Variants in KCNQ1 observed in about 807,000 individuals in gnomAD.
KCNQ1 encodes potassium voltage-gated channel subfamily Q member 1, also known as potassium voltage-gated channel subfamily KQT member 1.
A neutral mutation model predicts 72.4 loss-of-function variants in KCNQ1; 49 were observed. The observed-to-expected ratio is 0.68, with a 90% CI of 0.54 to 0.86. KCNQ1 has a LOEUF of 0.86. Among genes scored for constraint, KCNQ1 ranks in the 40% least tolerant of loss-of-function variants. The probability of loss-of-function intolerance (pLI) is 0.00; values close to 1 mark genes in which losing one functional copy is unlikely to be tolerated. For missense variants in KCNQ1, 790 were observed against 945.1 expected, an observed-to-expected ratio of 0.84 and a Z score of 2.15; for synonymous variants, 450 against 412.6, an observed-to-expected ratio of 1.09 and a Z score of -1.10.
At chr11:2,633,944 C>G (rs1364753285) in intron 10 of KCNQ1, 7 of 398,342 alleles carry the variant, frequency 1.8e-5, no homozygotes, top group African/African-American at 4.1e-5. Flanking sequence ...GGGGAAAATC[C>G]ACGTATAAAT....
rs1375222908 is a variant in KCNQ1 at position 2,678,577 on chromosome 11, A to G, written c.1514+16496A>G. On this transcript the variant is annotated intron_variant, in intron 11 of 15. Transcript: ENST00000155840. The surrounding 1 kb of genome is among the most constrained non-coding windows in gnomAD (Gnocchi z 4.9). ...GTTATTTTAATTATGTAACTTTATG[A>G]TGCACTTATCTGTGTAGCAGGACTC... The G allele has an allele frequency of 2.5e-6, 1 of 398,484 alleles. No individual in the cohort carries two copies. Among genetic ancestry groups the G allele is most frequent in the Non-Finnish European group, 4.4e-6 (1 of 226,062 alleles). The allele number at this position is 398,484 out of a possible 1,614,324, so 24.7% of individuals were successfully genotyped here.
intron 11 of KCNQ1, among the ~76,000 whole-genome samples, chr11:2,733,779 C>CAT (rs1845893426): frequency 1.5e-4 from 3 of 19,880 alleles, no homozygotes; most frequent in Non-Finnish European, 3.0e-4. Context: ...GCCTTCCACA[C>CAT]ACACACACAC....
Position 2,458,675 on chromosome 11 carries a change from GGATGGATGGATC to G in KCNQ1, c.386+13195_386+13206del, listed in dbSNP as rs1415839921. Reference sequence around the variant, plus strand: ...TGGATGGATGGATGGATGGATGGATGGATGGATGGATCGATCGATCTCACCAAGCCTCGTGCT... The same window carrying G: ...TGGATGGATGGATGGATGGATGGATGGATCGATCTCACCAAGCCTCGTGCT... On this transcript the variant is annotated intron_variant, in intron 1 of 15. Coordinates refer to ENST00000155840, the MANE Select transcript of KCNQ1 (RefSeq NM_000218.3). The surrounding 1 kb of genome is among the most constrained non-coding windows in gnomAD (Gnocchi z 4.6). Among the ~76,000 whole-genome samples the G allele has an allele frequency of 1.9e-3, 270 of 144,792 alleles. 2 individuals carry two copies. The highest frequency in any genetic ancestry group is 6.5e-3 in the African/African-American group (233 of 35,840). 95.0% of individuals were successfully genotyped at this position (144,792 alleles called of 152,430 possible).
At chr11:2,731,295 C>A (rs867865762) in intron 11 of KCNQ1, among the ~76,000 whole-genome samples, 9 of 152,236 alleles carry the variant, frequency 5.9e-5, no homozygotes, top group Admixed American at 1.3e-4. Flanking sequence ...CGCCCATGCA[C>A]CCCACTGTTG....
At chr11:2,512,893 C>T (rs1406577956) in intron 1 of KCNQ1, among the ~76,000 whole-genome samples, 1 of 152,210 alleles carries the variant, frequency 6.6e-6, no homozygotes, top group Admixed American at 6.5e-5. Flanking sequence ...GCTGTGTCAG[C>T]AGAGGGTTTT....
chr11:2,843,475 C>A (rs1848254213), intron 15 of KCNQ1, among the ~76,000 whole-genome samples: 1 of 152,230 alleles, frequency 6.6e-6, no homozygotes, highest in Non-Finnish European at 1.5e-5. Context: ...CACTGCCCAA[C>A]AAGGATGCTA....
At chr11:2,796,114 T>G (rs1008394765) in intron 15 of KCNQ1, among the ~76,000 whole-genome samples, 1 of 152,230 alleles carries the variant, frequency 6.6e-6, no homozygotes, top group Non-Finnish European at 1.5e-5. Context: ...TGTGAAACCA[T>G]TGGCTTATGG....
rs1312761086 is a variant in KCNQ1 at position 2,775,908 on chromosome 11, A to T, written c.1591-52A>T. ...ACTGTCACTGCCTGCACTTTGAGCC[A>T]CATGGCTGGGGCACAGGGAGGAGAA... On this transcript the variant is annotated intron_variant, in intron 12 of 15. Transcript: ENST00000155840. 4 of 1,526,362 alleles carry T rather than the reference A, an allele frequency of 2.6e-6. No individual in the cohort carries two copies. In the African/African-American group the frequency reaches 5.5e-5, roughly 21 times the overall value. 94.6% of individuals were successfully genotyped at this position (1,526,362 alleles called of 1,614,324 possible). A position where few individuals can be genotyped will look rare whatever the true frequency, so the allele number is the denominator to read the frequency against.
rs1485104879 is a variant in KCNQ1, at chr11:2,809,519, G to A, written c.1794+31482G>A. On this transcript the variant is annotated intron_variant, in intron 15 of 15. Transcript: ENST00000155840. This position sits in a 1 kb window ranked among gnomAD's most constrained non-coding sequence, Gnocchi z 7.1. Reference sequence around the variant, plus strand: ...CTTCCCTCTGTTTGTTCGTCTTGGTGCTGTGTATGAAGGTGGCAACAGACT... The same window carrying A: ...CTTCCCTCTGTTTGTTCGTCTTGGTACTGTGTATGAAGGTGGCAACAGACT... 2.0e-5 allele frequency among the ~76,000 whole-genome samples: 3 copies of A among 152,166 alleles called. No homozygotes were observed. The highest frequency in any genetic ancestry group is 7.2e-5 in the African/African-American group (3 of 41,418).
intron 11 of KCNQ1, among the ~76,000 whole-genome samples, chr11:2,743,141 C>T (rs751030560): frequency 1.3e-5 from 2 of 152,144 alleles, no homozygotes; most frequent in Non-Finnish European, 2.9e-5. Flanking sequence ...GCCTGGAGAC[C>T]CAGTTGTCAT....
In KCNQ1 at chr11:2,550,032, C is replaced by T. The variant is rs1016136598; in HGVS notation, c.478-20596C>T. Among the ~76,000 whole-genome samples, 6 of 152,174 alleles carry T rather than the reference C, an allele frequency of 3.9e-5. No individual in the cohort carries two copies. Among genetic ancestry groups the T allele is most frequent in the Non-Finnish European group, 2.9e-5 (2 of 68,032 alleles). On this transcript the variant is annotated intron_variant, in intron 2 of 15. Coordinates refer to ENST00000155840, the MANE Select transcript of KCNQ1 (RefSeq NM_000218.3). This position sits in a 1 kb window ranked among gnomAD's most constrained non-coding sequence, Gnocchi z 6.0. ...GGGACTGTTTGGGCCTCGAGAGGGA[C>T]GGACCCCAGAACTGGACCCCAATGT...
intron 2 of KCNQ1, among the ~76,000 whole-genome samples, chr11:2,531,588 C>T (rs1847633783): frequency 6.6e-6 from 1 of 152,172 alleles, no homozygotes; most frequent in Non-Finnish European, 1.5e-5. Context: ...TGAACTGTGG[C>T]CACAAACCCC....
chr11:2,729,041 C>A (rs1317851634), intron 11 of KCNQ1, among the ~76,000 whole-genome samples: 1 of 152,238 alleles, frequency 6.6e-6, no homozygotes. Flanking sequence ...AGTCACAGAA[C>A]AATAGCCCGT....
intron 15 of KCNQ1, among the ~76,000 whole-genome samples, chr11:2,788,880 G>T (rs995824827): frequency 1.3e-5 from 2 of 152,152 alleles, no homozygotes; most frequent in East Asian, 1.9e-4. Context: ...CTGCACAGGG[G>T]TGGGTGTGTC....
At position 2,523,297 on chromosome 11, in the gene KCNQ1, A is replaced by G. The variant is rs1266023347; in HGVS notation, c.387-4631A>G. Among the ~76,000 whole-genome samples the G allele has an allele frequency of 2.0e-5, 3 of 151,672 alleles. No individual in the cohort carries two copies. In the East Asian group the frequency reaches 5.8e-4, roughly 29 times the overall value. ...CAACCTCCACCTCCCTGGTTCAAGCAATCCCCCTGCCTCAATCTCCTGAGT... is the reference window on the plus strand; with the variant it reads ...CAACCTCCACCTCCCTGGTTCAAGCGATCCCCCTGCCTCAATCTCCTGAGT... On this transcript the variant is annotated intron_variant, in intron 1 of 15. Transcript: ENST00000155840.
chr11:2,662,097 TGCGTGAAGG>T lies in KCNQ1; in HGVS notation c.1514+19_1514+27del. The T allele has an allele frequency of 6.2e-7, 1 of 1,614,122 alleles. No homozygotes were observed. The highest frequency in any genetic ancestry group is 2.2e-5 in the East Asian group (1 of 44,872). On this transcript the variant is annotated intron_variant, in intron 11 of 15. Transcript: ENST00000155840. ...ACATCTCACAGTGAGTGCCTACATG[TGCGTGAAGG>T]GCTGGGCTGGAGGGGACTGGAGCTC...
chr11:2,564,492 G>A lies in KCNQ1; in HGVS notation c.478-6136G>A, dbSNP rs1043225204. Among the ~76,000 whole-genome samples the A allele has an allele frequency of 1.3e-5, 2 of 152,162 alleles. No homozygotes were observed. The highest frequency in any genetic ancestry group is 4.8e-5 in the African/African-American group (2 of 41,428). ...GTGCCTCTAATCCAGCTACTCAGGGGGCTGAGGCAGGAGAATCACTTGAAC... is the reference window on the plus strand; with the variant it reads ...GTGCCTCTAATCCAGCTACTCAGGGAGCTGAGGCAGGAGAATCACTTGAAC... On this transcript the variant is annotated intron_variant, in intron 2 of 15. Coordinates refer to ENST00000155840, the MANE Select transcript of KCNQ1 (RefSeq NM_000218.3). The surrounding 1 kb of genome is among the most constrained non-coding windows in gnomAD (Gnocchi z 4.5).
At position 2,627,991 on chromosome 11, in the gene KCNQ1, A is replaced by G; in HGVS notation, c.1394-33970A>G. The G allele has an allele frequency of 7.5e-6, 3 of 398,616 alleles. No individual in the cohort carries two copies. The highest frequency in any genetic ancestry group is 4.4e-5 in the Admixed American group (1 of 22,722). The allele number at this position is 398,616 out of a possible 1,614,324, so 24.7% of individuals were successfully genotyped here. Reference sequence around the variant, plus strand: ...GGTCTCAAACTCCTGTGTTCAAGCTATCCTTCACCTTGGCCACCCCCAAGT... The same window carrying G: ...GGTCTCAAACTCCTGTGTTCAAGCTGTCCTTCACCTTGGCCACCCCCAAGT... On this transcript the variant is annotated intron_variant, in intron 10 of 15. Transcript: ENST00000155840. The surrounding 1 kb of genome is among the most constrained non-coding windows in gnomAD (Gnocchi z 4.9).
chr11:2,841,775 CGCCCCTGAG>C (rs755951390), intron 15 of KCNQ1, among the ~76,000 whole-genome samples: 1 of 152,204 alleles, frequency 6.6e-6, no homozygotes, highest in Non-Finnish European at 1.5e-5. Flanking sequence ...AGGGACATGG[CGCCCCTGAG>C]GCCCTTGGGG....
Sources: gnomAD v4.1 joint callset for allele counts (sites outside exome capture counted in the v4.1 genomes callset) on GRCh38, gnomAD v4.1.1 for gene constraint, Gnocchi (gnomAD v3.1) non-coding constraint, MANE v1.5 for transcripts, NCBI Gene and HGNC (gene_info 2026-07-23, HGNC 2026-07-21) for gene names.